Variants in TSPYL1 observed in about 807,000 individuals in gnomAD.
The protein encoded by TSPYL1 is TSPY like 1.
In TSPYL1, 16 loss-of-function variants were observed where a neutral mutation model predicts 20.1. The ratio of observed to expected loss-of-function variants is 0.80; its 90% CI spans 0.54 to 1.21. TSPYL1 has a LOEUF of 1.21. Among genes scored for constraint, TSPYL1 ranks in the 50% most tolerant of loss-of-function variants. The pLI is 0.00. For missense variants in TSPYL1, 560 were observed against 569.3 expected, an observed-to-expected ratio of 0.98 and a Z score of 0.17; for synonymous variants, 259 against 227.1, an observed-to-expected ratio of 1.14 and a Z score of -1.26.
At position 116,276,563 on chromosome 6, in the gene TSPYL1, A is replaced by G. The variant is rs896234913; in HGVS notation, c.*1954T>C. The G allele has an allele frequency of 6.6e-6, 1 of 152,086 alleles. No individual in the cohort carries two copies. Among genetic ancestry groups the G allele is most frequent in the African/African-American group, 2.4e-5 (1 of 41,416 alleles). The allele number at this position is 152,086 out of a possible 1,614,324, so 9.4% of individuals were successfully genotyped here. A position where few individuals can be genotyped will look rare whatever the true frequency, so the allele number is the denominator to read the frequency against. The stretch of plus-strand genomic sequence containing the variant: ...ATTCTGTAATTTTTAGTTAACATCA[A>G]TTTAAGGACTTTAATGATTTTAATC... On this transcript the variant is annotated 3_prime_UTR_variant, in exon 1 of 1. Coordinates refer to ENST00000368608, the MANE Select transcript of TSPYL1 (RefSeq NM_003309.4).
At position 116,275,960 on chromosome 6, in the gene TSPYL1, CTT is replaced by C. The variant is rs1773122574; in HGVS notation, c.*2555_*2556del. Among the ~76,000 whole-genome samples, 2 of 152,246 alleles carry C rather than the reference CTT, an allele frequency of 1.3e-5. No individual in the cohort carries two copies. Among genetic ancestry groups the C allele is most frequent in the South Asian group, 2.1e-4 (1 of 4,816 alleles). On this transcript the variant is annotated 3_prime_UTR_variant, in exon 1 of 1. Coordinates refer to ENST00000368608, the MANE Select transcript of TSPYL1 (RefSeq NM_003309.4). ...ATTTTACTGTATCACTCTGTTAATT[CTT>C]TGTTTGCTTATCAGTCCTTCCCCAG...
rs1773126971 is a variant in TSPYL1 at position 116,276,051 on chromosome 6, T to A, written c.*2466A>T. On this transcript the variant is annotated 3_prime_UTR_variant, in exon 1 of 1. Coordinates refer to ENST00000368608, the MANE Select transcript of TSPYL1 (RefSeq NM_003309.4). Reference sequence around the variant, plus strand: ...TTTTCTCTATTTGTGGAATTCACTGTAATGAATAATTATGTTAATTTTCTA... The same window carrying A: ...TTTTCTCTATTTGTGGAATTCACTGAAATGAATAATTATGTTAATTTTCTA... Among the ~76,000 whole-genome samples, 1 of 152,228 alleles carries A rather than the reference T, an allele frequency of 6.6e-6. No individual in the cohort carries two copies. The highest frequency in any genetic ancestry group is 1.5e-5 in the Non-Finnish European group (1 of 68,046).
Position 116,275,082 on chromosome 6 carries a change from T to C in TSPYL1, c.*3435A>G, listed in dbSNP as rs1233587440. 6.6e-6 allele frequency among the ~76,000 whole-genome samples: 1 copy of C among 152,220 alleles called. No homozygotes were observed. Among genetic ancestry groups the C allele is most frequent in the Non-Finnish European group, 1.5e-5 (1 of 68,032 alleles). On this transcript the variant is annotated 3_prime_UTR_variant, in exon 1 of 1. Transcript: ENST00000368608. ...ATTGAGATATTTTAACATTTTTCTT[T>C]CCATACTGAGTCTTCAAAATCCAGT...
chr6:116,279,309 C>CCCA lies in TSPYL1; in HGVS notation c.521_522insTGG (p.Glu174delinsAspGly). The CCCA allele has an allele frequency of 6.2e-7, 1 of 1,610,490 alleles. No homozygotes were observed. The highest frequency in any genetic ancestry group is 8.5e-7 in the Non-Finnish European group (1 of 1,179,932). On this transcript the variant is annotated protein_altering_variant, in exon 1 of 1. Coordinates refer to ENST00000368608, the MANE Select transcript of TSPYL1 (RefSeq NM_003309.4). ...TCTCCGCCAGGCCTTCCTTCACCAC[C>CCCA]TCAGCGCTCTCCCTCTCAGCCACGG...
rs1773376907 is a variant in TSPYL1 at position 116,279,646 on chromosome 6, G to A, written c.185C>T (p.Pro62Leu). 1.9e-6 allele frequency: 3 copies of A among 1,605,062 alleles called. No homozygotes were observed. Among genetic ancestry groups the A allele is most frequent in the Non-Finnish European group, 1.7e-6 (2 of 1,179,666 alleles). Residue 62 changes from proline (P) to leucine (L), a missense_variant, in exon 1 of 1, where the codon CCA (proline) becomes CTA (leucine). Physicochemically the swap from Pro to Leu is moderately conservative, Grantham distance 98. Transcript: ENST00000368608. ...GGSETVALPP[P>L]PPSEEGGVPQ... The stretch of plus-strand genomic sequence containing the variant: ...TACGCCCCCCTCCTCTGAAGGCGGT[G>A]GAGGCGGGAGCGCGACGGTCTCCGA...
chr6:116,279,236 C>A lies in TSPYL1; in HGVS notation c.595G>T (p.Gly199Cys). ...QMEVEEQPPE[G>C]EEIEVAEEDR... ...TCCTCCGCCACTTCTATTTCTTCAC[C>A]TTCTGGCGGCTGCTCCTCTACCTCC... The change falls in exon 1 of 1, where the codon GGT becomes TGT. Residue 199 changes from glycine (G) to cysteine (C), a missense_variant. Transcript: ENST00000368608. 6.2e-7 allele frequency: 1 copy of A among 1,609,048 alleles called. No individual in the cohort carries two copies. Among genetic ancestry groups the A allele is most frequent in the Non-Finnish European group, 8.5e-7 (1 of 1,179,826 alleles).
At position 116,279,897 on chromosome 6, in the gene TSPYL1, C is replaced by A. The variant is rs969254877; in HGVS notation, c.-67G>T. 3.7e-6 allele frequency: 6 copies of A among 1,606,188 alleles called. No individual in the cohort carries two copies. The highest frequency in any genetic ancestry group is 5.1e-6 in the Non-Finnish European group (6 of 1,174,108). On this transcript the variant is annotated 5_prime_UTR_variant, in exon 1 of 1. Transcript: ENST00000368608. The stretch of plus-strand genomic sequence containing the variant: ...CCTCAGAGGCCGAACTGGGAGCTAA[C>A]CGCCGCTCGCACCGCCCACCCTACA...
rs1196573476 is a variant in TSPYL1 at position 116,277,698 on chromosome 6, T to C, written c.*819A>G. 7.9e-5 allele frequency: 12 copies of C among 152,050 alleles called. No individual in the cohort carries two copies. The highest frequency in any genetic ancestry group is 7.9e-4 in the Admixed American group (12 of 15,262). 9.4% of individuals were successfully genotyped at this position (152,050 alleles called of 1,614,324 possible). A position where few individuals can be genotyped will look rare whatever the true frequency, so the allele number is the denominator to read the frequency against. On this transcript the variant is annotated 3_prime_UTR_variant, in exon 1 of 1. Transcript: ENST00000368608. ...GGAGGGCGGATCACGAGATCGGGGT[T>C]CGAGACCAGCCTGGCCAGCATGGTG...
Position 116,279,270 on chromosome 6 carries a change from C to T in TSPYL1, c.561G>A (p.Glu187=), listed in dbSNP as rs1773331335. The T allele has an allele frequency of 6.2e-7, 1 of 1,601,898 alleles. No individual in the cohort carries two copies. Among genetic ancestry groups the T allele is most frequent in the Non-Finnish European group, 8.5e-7 (1 of 1,178,594 alleles). The change falls in exon 1 of 1, where the codon GAG becomes GAA. Residue 187 remains glutamate, a synonymous_variant. Coordinates refer to ENST00000368608, the MANE Select transcript of TSPYL1 (RefSeq NM_003309.4). ...GCTGCTCCTCTACCTCCATCTGCTC[C>T]TCCATTACCTCCTTCTCCGCCAGGC... is the stretch of plus-strand genomic sequence containing the variant. ...KEGLAEKEVM[E]EQMEVEEQPP... is the part of the protein sequence containing the mutation.
In TSPYL1 at chr6:116,279,638, AAGGCGGTGG is replaced by A. The variant is rs1410664860; in HGVS notation, c.184_192del (p.Pro62_Pro64del). 7.5e-6 allele frequency: 12 copies of A among 1,604,984 alleles called. No homozygotes were observed. Among genetic ancestry groups the A allele is most frequent in the East Asian group, 2.2e-5 (1 of 44,862 alleles). ...TCCTGGGGTACGCCCCCCTCCTCTG[AAGGCGGTGG>A]AGGCGGGAGCGCGACGGTCTCCGAG... On this transcript the variant is annotated inframe_deletion, in exon 1 of 1. Transcript: ENST00000368608.
rs6568926 is a variant in TSPYL1 at position 116,275,380 on chromosome 6, A to T, written c.*3137T>A. 0.33 allele frequency among the ~76,000 whole-genome samples: 50,969 copies of T among 152,200 alleles called. 9,140 individuals are homozygous for T. Among genetic ancestry groups the T allele is most frequent in the East Asian group, 0.65 (3,396 of 5,186 alleles). ...GGGGAAATAGTTATTTAGGAATGGC[A>T]TTGCAAATCTTTTTGACATTTTCCC... On this transcript the variant is annotated 3_prime_UTR_variant, in exon 1 of 1. Coordinates refer to ENST00000368608, the MANE Select transcript of TSPYL1 (RefSeq NM_003309.4).
In TSPYL1 at chr6:116,278,915, T is replaced by C; in HGVS notation, c.916A>G (p.Asn306Asp). Reference sequence around the variant, plus strand: ...TGTCTGAGTTCCTTCACCTCTAAATTGGTTATGTACCTTAACATCTCTGCA... The same window carrying C: ...TGTCTGAGTTCCTTCACCTCTAAATCGGTTATGTACCTTAACATCTCTGCA... ...QDAEMLRYIT[N>D]LEVKELRHPR... Residue 306 changes from asparagine to aspartate, a missense_variant, in exon 1 of 1, where the codon AAT (asparagine) becomes GAT (aspartate). Coordinates refer to ENST00000368608, the MANE Select transcript of TSPYL1 (RefSeq NM_003309.4). 2 of 1,614,116 alleles carry C rather than the reference T, an allele frequency of 1.2e-6. No individual in the cohort carries two copies. Among genetic ancestry groups the C allele is most frequent in the Non-Finnish European group, 1.7e-6 (2 of 1,180,006 alleles).
Position 116,278,813 on chromosome 6 carries a change from A to G in TSPYL1, c.1018T>C (p.Tyr340His). ...ACTCGGCCGGAGGATCTTACCTCAT[A>G]TTCCTTGACAATCAGCTTGTTTCTG... The part of the protein sequence containing the change: ...YFRNKLIVKE[Y>H]EVRSSGRVVS... The change falls in exon 1 of 1, where the codon TAT becomes CAT. Residue 340 changes from tyrosine (Y) to histidine (H), a missense_variant. By Grantham distance (83) the Tyr-to-His change is moderately conservative (BLOSUM62 2). Coordinates refer to ENST00000368608, the MANE Select transcript of TSPYL1 (RefSeq NM_003309.4). 6.2e-7 allele frequency: 1 copy of G among 1,614,148 alleles called. No individual in the cohort carries two copies. Among genetic ancestry groups the G allele is most frequent in the South Asian group, 1.1e-5 (1 of 91,082 alleles).
In TSPYL1 at chr6:116,275,766, G is replaced by C. The variant is rs1267964715; in HGVS notation, c.*2751C>G. On this transcript the variant is annotated 3_prime_UTR_variant, in exon 1 of 1. Coordinates refer to ENST00000368608, the MANE Select transcript of TSPYL1 (RefSeq NM_003309.4). The stretch of plus-strand genomic sequence containing the variant: ...AGTGAGCCGAGATCGCGCCACTTGC[G>C]CTCCAGCCTGGGCAAGAGTGGGACT... Among the ~76,000 whole-genome samples the C allele has an allele frequency of 2.7e-5, 4 of 147,508 alleles. No homozygotes were observed. The highest frequency in any genetic ancestry group is 5.9e-5 in the Non-Finnish European group (4 of 67,722).
rs1017135429 is a variant in TSPYL1 at position 116,278,109 on chromosome 6, G to C, written c.*408C>G. 1 of 253,410 alleles carries C rather than the reference G, an allele frequency of 3.9e-6. No individual in the cohort carries two copies. The highest frequency in any genetic ancestry group is 7.9e-6 in the Non-Finnish European group (1 of 126,782). 15.7% of individuals were successfully genotyped at this position (253,410 alleles called of 1,614,324 possible). A position where few individuals can be genotyped will look rare whatever the true frequency, so the allele number is the denominator to read the frequency against. On this transcript the variant is annotated 3_prime_UTR_variant, in exon 1 of 1. Transcript: ENST00000368608. The stretch of plus-strand genomic sequence containing the variant: ...TCCAGTAACTGTCCACAGGGCATGT[G>C]CCCATACTGCTCAATGCAGAGCTGA...
Position 116,279,587 on chromosome 6 carries a change from G to A in TSPYL1, c.244C>T (p.Gln82Ter). ...CCGCGACCCCCAACAACTCGGATCT[G>A]GGGAGTACCGCCACGGCCCGCGGCA... Reference protein sequence around the residue: ...QDAAGRGGTPQIRVVGGRGHV... With the variant: ...QDAAGRGGTP The change falls in exon 1 of 1, where the codon CAG (glutamine) becomes TAG (stop). Residue 82 changes from glutamine to a stop codon, truncating the protein, a stop_gained. Coordinates refer to ENST00000368608, the MANE Select transcript of TSPYL1 (RefSeq NM_003309.4). LOFTEE classifies it low-confidence loss of function (END_TRUNC). 6.2e-7 allele frequency: 1 copy of A among 1,602,314 alleles called. No individual in the cohort carries two copies. Among genetic ancestry groups the A allele is most frequent in the Non-Finnish European group, 8.5e-7 (1 of 1,179,880 alleles).
At position 116,277,960 on chromosome 6, in the gene TSPYL1, T is replaced by TG. The variant is rs1773246993; in HGVS notation, c.*556dup. 1 of 150,384 alleles carries TG rather than the reference T, an allele frequency of 6.6e-6. No homozygotes were observed. Among genetic ancestry groups the TG allele is most frequent in the African/African-American group, 2.5e-5 (1 of 40,676 alleles). The allele number at this position is 150,384 out of a possible 1,614,324, so 9.3% of individuals were successfully genotyped here. On this transcript the variant is annotated 3_prime_UTR_variant, in exon 1 of 1. Coordinates refer to ENST00000368608, the MANE Select transcript of TSPYL1 (RefSeq NM_003309.4). ...GGAAAACAGGGAGAGAGAGGGACCT[T>TG]GGCAGGAGCCAATGTAGGGCAGGTA...
chr6:116,279,878 A>G lies in TSPYL1; in HGVS notation c.-48T>C. 1 of 1,612,896 alleles carries G rather than the reference A, an allele frequency of 6.2e-7. No homozygotes were observed. The highest frequency in any genetic ancestry group is 8.5e-7 in the Non-Finnish European group (1 of 1,179,916). On this transcript the variant is annotated 5_prime_UTR_variant, in exon 1 of 1. Coordinates refer to ENST00000368608, the MANE Select transcript of TSPYL1 (RefSeq NM_003309.4). The stretch of plus-strand genomic sequence containing the variant: ...GCAGGCGAACGCCCGTTTTCCTCAG[A>G]GGCCGAACTGGGAGCTAACCGCCGC...
In TSPYL1 at chr6:116,277,687, G is replaced by T. The variant is rs1409196897; in HGVS notation, c.*830C>A. The T allele has an allele frequency of 1.3e-5, 2 of 152,204 alleles. No individual in the cohort carries two copies. The highest frequency in any genetic ancestry group is 3.9e-4 in the East Asian group (2 of 5,182). 9.4% of individuals were successfully genotyped at this position (152,204 alleles called of 1,614,324 possible). A position where few individuals can be genotyped will look rare whatever the true frequency, so the allele number is the denominator to read the frequency against. ...TGGGAGGCTAAGGAGGGCGGATCAC[G>T]AGATCGGGGTTCGAGACCAGCCTGG... On this transcript the variant is annotated 3_prime_UTR_variant, in exon 1 of 1. Transcript: ENST00000368608.
Sources: allele counts gnomAD v4.1 joint callset (sites outside exome capture counted in the v4.1 genomes callset), GRCh38; gene constraint gnomAD v4.1.1; transcripts MANE v1.5; gene names NCBI Gene and HGNC (gene_info 2026-07-23, HGNC 2026-07-21).